Variants in PPARGC1A observed in about 807,000 individuals in gnomAD.
The protein encoded by PPARGC1A is peroxisome proliferator-activated receptor gamma coactivator 1-alpha.
Under a neutral mutation model 88.7 loss-of-function variants are expected in PPARGC1A, and 25 were observed. That is an observed-to-expected ratio of 0.28 (90% confidence interval 0.21 to 0.39). The LOEUF (loss-of-function observed/expected upper bound fraction) is 0.39, where lower values mean the gene tolerates loss of function less well. PPARGC1A is among the 10% of genes least tolerant of loss of function. The probability of loss-of-function intolerance (pLI) is 1.00; values close to 1 mark genes in which losing one functional copy is unlikely to be tolerated. For missense variants in PPARGC1A, 880 were observed against 968.7 expected (o/e 0.91, Z 1.22); for synonymous variants, 363 against 355.6 (o/e 1.02, Z -0.24).
At chr4:24,234,684 T>G in the PPARGC1A span, among the ~76,000 whole-genome samples, 5 of 152,336 alleles carry the variant, frequency 3.3e-5, no homozygotes, top group Admixed American at 3.3e-4. Context: ...TGTGGTTATG[T>G]GCTAATTCAA....
chr4:24,327,855 C>A, the PPARGC1A span, among the ~76,000 whole-genome samples: 1 of 152,170 alleles, frequency 6.6e-6, no homozygotes, highest in South Asian at 2.1e-4. Context: ...CAAGCCATCG[C>A]ATCCCCTGTG....
chr4:24,379,843 G>A, the PPARGC1A span, among the ~76,000 whole-genome samples: 32 of 149,294 alleles, frequency 2.1e-4, no homozygotes, highest in South Asian at 1.1e-3. Context: ...GCAATGGCAC[G>A]ATTCGGCTCA....
chr4:24,287,676 ATC>A, the PPARGC1A span, among the ~76,000 whole-genome samples: 7 of 141,040 alleles, frequency 5.0e-5, no homozygotes, highest in African/African-American at 1.8e-4. Flanking sequence ...AACTGCACTC[ATC>A]TGGTGCACTT....
At position 23,850,567 on chromosome 4, in the gene PPARGC1A, T is replaced by C. The variant is rs185094381; in HGVS notation, c.235-18816A>G. On this transcript the variant is annotated intron_variant, in intron 2 of 12. Transcript: ENST00000264867. The stretch of plus-strand genomic sequence containing the variant: ...ATCTTTAATGATTACATCTTTGGCC[T>C]TGAAGAAATAAAATCAAACTTATTT... Among the ~76,000 whole-genome samples the C allele has an allele frequency of 2.9e-3, 444 of 152,282 alleles. 2 individuals carry two copies. Among genetic ancestry groups the C allele is most frequent in the African/African-American group, 0.01 (423 of 41,558 alleles).
At chr4:24,054,164 T>C in the PPARGC1A span, among the ~76,000 whole-genome samples, 7 of 152,306 alleles carry the variant, frequency 4.6e-5, no homozygotes, top group Admixed American at 4.6e-4. Flanking sequence ...GGCACTGGAA[T>C]TTTAAGAATC....
chr4:24,005,961 T>C, the PPARGC1A span, among the ~76,000 whole-genome samples: 2 of 152,178 alleles, frequency 1.3e-5, no homozygotes, highest in Non-Finnish European at 2.9e-5. Context: ...GTCATTCAGC[T>C]GGTTACAGAT....
At chr4:24,235,907 C>A in the PPARGC1A span, among the ~76,000 whole-genome samples, 76 of 152,184 alleles carry the variant, frequency 5.0e-4, no homozygotes, top group South Asian at 9.6e-3. Context: ...GGGTGGGGGA[C>A]CCACAGTGGA....
the PPARGC1A span, among the ~76,000 whole-genome samples, chr4:24,391,938 T>C: frequency 6.6e-6 from 1 of 152,144 alleles, no homozygotes; most frequent in Non-Finnish European, 1.5e-5. Flanking sequence ...AACCACAGGG[T>C]TATGCCCTGA....
chr4:24,195,358 A>G, the PPARGC1A span, among the ~76,000 whole-genome samples: 31 of 152,220 alleles, frequency 2.0e-4, no homozygotes, highest in African/African-American at 7.2e-4. Context: ...GGTTGCAATT[A>G]TGAAGTATCT....
the PPARGC1A span, among the ~76,000 whole-genome samples, chr4:24,053,115 C>T: frequency 1.3e-5 from 2 of 151,536 alleles, no homozygotes; most frequent in Admixed American, 6.6e-5. Flanking sequence ...TCATGATCCG[C>T]CCGCCTCGGC....
At chr4:24,306,650 T>G in the PPARGC1A span, among the ~76,000 whole-genome samples, 1 of 152,230 alleles carries the variant, frequency 6.6e-6, no homozygotes. Context: ...AAATCTACAT[T>G]GTAGTACAAA....
chr4:23,814,645 A>G, intron 7 of PPARGC1A, 40 bp from the exon 8 acceptor site: 3 of 1,420,762 alleles, frequency 2.1e-6, no homozygotes, highest in South Asian at 2.9e-5. Flanking sequence ...AAGAGAGAGA[A>G]AGAAAAGAGA....
At chr4:24,035,798 C>G in the PPARGC1A span, among the ~76,000 whole-genome samples, 2 of 152,122 alleles carry the variant, frequency 1.3e-5, no homozygotes, top group Non-Finnish European at 2.9e-5. Context: ...TAGGAAAAGT[C>G]TGCAATCCTT....
At chr4:23,910,846 A>G in the PPARGC1A span, among the ~76,000 whole-genome samples, 7 of 152,160 alleles carry the variant, frequency 4.6e-5, no homozygotes, top group Non-Finnish European at 1.0e-4. Context: ...ACTGAGGCAG[A>G]GAATTAAGTA....
chr4:24,089,205 C>T, the PPARGC1A span, among the ~76,000 whole-genome samples: 1 of 152,140 alleles, frequency 6.6e-6, no homozygotes, highest in Non-Finnish European at 1.5e-5. Context: ...CATGGATGGC[C>T]AAAAGAAGTC....
chr4:24,444,112 C>G, the PPARGC1A span, among the ~76,000 whole-genome samples: 2 of 151,616 alleles, frequency 1.3e-5, no homozygotes, highest in East Asian at 2.0e-4. Context: ...ATATAGGCAG[C>G]CTCCGCCTCC....
chr4:23,937,530 T>C, the PPARGC1A span, among the ~76,000 whole-genome samples: 3 of 151,756 alleles, frequency 2.0e-5, no homozygotes, highest in African/African-American at 7.2e-5. Context: ...AAATAAAAAA[T>C]AAAATAAAAT....
chr4:23,829,988 A>G (rs1477099343), intron 3 of PPARGC1A, among the ~76,000 whole-genome samples: 1 of 152,226 alleles, frequency 6.6e-6, no homozygotes, highest in Non-Finnish European at 1.5e-5. Context: ...AAATAAAGCA[A>G]AAAACATCTT....
chr4:24,111,859 T>A, the PPARGC1A span, among the ~76,000 whole-genome samples: 222 of 152,268 alleles, frequency 1.5e-3, 1 homozygote, highest in African/African-American at 5.3e-3. Flanking sequence ...GCCACACATA[T>A]ATAGCTCTGA....
Sources: gnomAD v4.1 joint callset for allele counts (sites outside exome capture counted in the v4.1 genomes callset) on GRCh38, gnomAD v4.1.1 for gene constraint, MANE v1.5 for transcripts, NCBI Gene and HGNC (gene_info 2026-07-23, HGNC 2026-07-21) for gene names.